ADGRV1: variants seen among roughly 807,000 people sequenced by gnomAD.
ADGRV1 encodes the protein adhesion G protein-coupled receptor V1, also known as G-protein coupled receptor 98.
A neutral mutation model predicts 596.2 loss-of-function variants in ADGRV1; 359 were observed. The observed-to-expected ratio is 0.60, with a 90% CI of 0.55 to 0.66. The LOEUF (loss-of-function observed/expected upper bound fraction) is 0.66, where lower values mean the gene tolerates loss of function less well. Among genes scored for constraint, ADGRV1 ranks in the 30% least tolerant of loss-of-function variants. ADGRV1 has a pLI of 0.00. For synonymous variants in ADGRV1, 2,681 were observed against 2,679.2 expected (o/e 1.00, Z -0.02); for missense variants, 7,274 against 7,575.6 (o/e 0.96, Z 1.48).
intron 39 of ADGRV1, among the ~76,000 whole-genome samples, chr5:90,710,297 T>G (rs901521764): frequency 3.9e-5 from 6 of 152,126 alleles, no homozygotes; most frequent in Non-Finnish European, 8.8e-5. Context: ...TTAGTTAATA[T>G]TTTAAGACTA....
intron 85 of ADGRV1, among the ~76,000 whole-genome samples, chr5:91,027,544 G>A (rs1003788003): frequency 6.6e-6 from 1 of 152,170 alleles, no homozygotes; most frequent in African/African-American, 2.4e-5. Flanking sequence ...TGGAAGGAGG[G>A]CAGTCACTGA....
chr5:90,629,793 C>T (rs867856631), intron 9 of ADGRV1: 2 of 309,864 alleles, frequency 6.5e-6, no homozygotes, highest in South Asian at 6.2e-5. Flanking sequence ...ACGTGAAATG[C>T]CAGTCATGCA....
intron 58 of ADGRV1, among the ~76,000 whole-genome samples, chr5:90,760,539 C>T (rs1756410423): frequency 6.6e-6 from 1 of 152,194 alleles, no homozygotes; most frequent in Non-Finnish European, 1.5e-5. Context: ...AATCTGGTCA[C>T]AGGCAGGATT....
intron 83 of ADGRV1, among the ~76,000 whole-genome samples, chr5:90,927,232 G>T (rs1184518460): frequency 6.6e-6 from 1 of 150,826 alleles, no homozygotes; most frequent in Non-Finnish European, 1.5e-5. Context: ...TTGACAGTGG[G>T]GTGTTAAAGT....
intron 1 of ADGRV1, among the ~76,000 whole-genome samples, chr5:90,569,387 ATTTTTTTT>A (rs869133714): frequency 1.5e-3 from 24 of 16,354 alleles, no homozygotes; most frequent in African/African-American, 4.1e-3. Context: ...ATATATATAT[ATTTTTTTT>A]TTTTTTTTTT....
chr5:90,943,499 T>G (rs1003294527), intron 83 of ADGRV1, among the ~76,000 whole-genome samples: 4 of 152,150 alleles, frequency 2.6e-5, no homozygotes, highest in Non-Finnish European at 5.9e-5. Context: ...TTCTTGTCCT[T>G]AAGATCACAG....
chr5:90,776,543 C>A lies in ADGRV1; in HGVS notation c.12494C>A (p.Pro4165His). Reference sequence around the variant, plus strand: ...TCTAGGCACATCCTCATTGGGGAACCCTCAGCAAAATATAATGGTACCGCT... The same window carrying A: ...TCTAGGCACATCCTCATTGGGGAACACTCAGCAAAATATAATGGTACCGCT... The part of the protein sequence containing the change: ...PSSRHILIGE[P>H]SAKYNGTAII... Residue 4165 changes from proline (P) to histidine (H), a missense_variant, in exon 61 of 90, where the codon CCC becomes CAC. Transcript: ENST00000405460. 6.2e-7 allele frequency: 1 copy of A among 1,613,278 alleles called. No individual in the cohort carries two copies. Among genetic ancestry groups the A allele is most frequent in the Non-Finnish European group, 8.5e-7 (1 of 1,179,476 alleles).
At chr5:90,622,549 C>T in intron 4 of ADGRV1, 48 bp from the exon 5 acceptor site, 1 of 836,894 alleles carries the variant, frequency 1.2e-6, no homozygotes, top group South Asian at 3.5e-5. Flanking sequence ...CCGCCTCATA[C>T]CTCTGATTGC....
chr5:90,823,494 T>C lies in ADGRV1; in HGVS notation c.16266T>C (p.Asp5422=), dbSNP rs374553356. The stretch of plus-strand genomic sequence containing the variant: ...AAACAGTCGTCGTGCTCCAGAAGGA[T>C]GGGGTAAACCTGGTGGAGGAACTTC... ...LNKTVVVLQK[D]GVNLVEELQS... is the part of the protein sequence containing the mutation. Residue 5422 remains aspartate, a synonymous_variant, in exon 76 of 90, where the codon GAT becomes GAC. Coordinates refer to ENST00000405460, the MANE Select transcript of ADGRV1 (RefSeq NM_032119.4). The C allele has an allele frequency of 2.8e-5, 45 of 1,613,770 alleles. No homozygotes were observed. Among genetic ancestry groups the C allele is most frequent in the Admixed American group, 1.8e-4 (11 of 59,992 alleles).
intron 2 of ADGRV1, among the ~76,000 whole-genome samples, chr5:90,615,770 A>C (rs1485162810): frequency 6.6e-6 from 1 of 151,960 alleles, no homozygotes; most frequent in African/African-American, 2.4e-5. Context: ...TATATATAGA[A>C]ATTATTTTTA....
chr5:90,753,688 G>T lies in ADGRV1; in HGVS notation c.11236G>T (p.Gly3746Trp), dbSNP rs1459825892. 6.2e-7 allele frequency: 1 copy of T among 1,613,616 alleles called. No homozygotes were observed. Among genetic ancestry groups the T allele is most frequent in the Admixed American group, 1.7e-5 (1 of 59,974 alleles). Residue 3746 changes from glycine to tryptophan, a missense_variant, in exon 54 of 90, where the codon GGG (glycine) becomes TGG (tryptophan). Coordinates refer to ENST00000405460, the MANE Select transcript of ADGRV1 (RefSeq NM_032119.4). ...AACCCTCACCCGTATCACCACAGAAGGGGTTGAGGACTCATACAAAGGTGC... is the reference window on the plus strand; with the variant it reads ...AACCCTCACCCGTATCACCACAGAATGGGTTGAGGACTCATACAAAGGTGC... ...IVTLTRITTE[G>W]VEDSYKGATI...
chr5:90,788,086 G>A lies in ADGRV1; in HGVS notation c.13669G>A (p.Val4557Ile). 1.2e-6 allele frequency: 2 copies of A among 1,610,946 alleles called. No individual in the cohort carries two copies. Among genetic ancestry groups the A allele is most frequent in the Non-Finnish European group, 1.7e-6 (2 of 1,178,238 alleles). ...CATCCCGCAGGTGAACTGGGAGACA[G>A]TAGGACCCAACTCTCAAGAAGCCTT... ...LGEIQVNWETVGPNSQEALLP... is the reference protein window; with the variant it reads ...LGEIQVNWETIGPNSQEALLP... The change falls in exon 68 of 90, where the codon GTA becomes ATA. Residue 4557 changes from valine to isoleucine, a missense_variant. Physicochemically the swap from Val to Ile is conservative, Grantham distance 29. Transcript: ENST00000405460.
At chr5:90,851,623 A>G (rs1216740118) in intron 79 of ADGRV1, among the ~76,000 whole-genome samples, 2 of 152,144 alleles carry the variant, frequency 1.3e-5, no homozygotes, top group Admixed American at 1.3e-4. Flanking sequence ...GTCACTGTGA[A>G]TTTGCGGTGG....
intron 1 of ADGRV1, among the ~76,000 whole-genome samples, chr5:90,593,847 G>A (rs1759874164): frequency 6.6e-6 from 1 of 151,814 alleles, no homozygotes; most frequent in South Asian, 2.1e-4. Context: ...AAATTCTCTT[G>A]TATTCCAAGC....
At chr5:91,099,267 CA>C (rs55931707) in intron 86 of ADGRV1, among the ~76,000 whole-genome samples, 467 of 142,334 alleles carry the variant, frequency 3.3e-3, no homozygotes, top group African/African-American at 4.4e-3. Context: ...ATTTCTCTCT[CA>C]AAAAAAAAAA....
chr5:90,862,019 A>G (rs891801312), intron 82 of ADGRV1, among the ~76,000 whole-genome samples: 1 of 152,190 alleles, frequency 6.6e-6, no homozygotes, highest in African/African-American at 2.4e-5. Context: ...CTGGCTTTGA[A>G]TCCTGAACTG....
At chr5:91,066,090 C>G (rs1018720849) in intron 85 of ADGRV1, among the ~76,000 whole-genome samples, 6 of 152,204 alleles carry the variant, frequency 3.9e-5, no homozygotes, top group Non-Finnish European at 7.3e-5. Context: ...TTTAAGGAAG[C>G]AAATCCACAT....
chr5:91,156,651 A>C (rs1402800278), intron 89 of ADGRV1, among the ~76,000 whole-genome samples: 1 of 152,236 alleles, frequency 6.6e-6, no homozygotes, highest in Non-Finnish European at 1.5e-5. Context: ...TGTCTTCCTT[A>C]CTTATAGATT....
intron 1 of ADGRV1, among the ~76,000 whole-genome samples, chr5:90,579,409 T>A (rs930754432): frequency 5.9e-5 from 9 of 152,148 alleles, no homozygotes; most frequent in African/African-American, 2.2e-4. Context: ...CATGTAGTTG[T>A]GTGGTTTTGA....
Sources: gnomAD v4.1 joint callset for allele counts (sites outside exome capture counted in the v4.1 genomes callset) on GRCh38, gnomAD v4.1.1 for gene constraint, MANE v1.5 for transcripts, NCBI Gene and HGNC (gene_info 2026-07-23, HGNC 2026-07-21) for gene names.